The following UGGT2 variants were observed in gnomAD, a reference collection of about 807,000 sequenced individuals.
UGGT2 encodes the protein UDP-glucose:glycoprotein glucosyltransferase 2.
Under a neutral mutation model 192.1 loss-of-function variants are expected in UGGT2, and 180 were observed. The ratio of observed to expected loss-of-function variants is 0.94; its 90% CI spans 0.83 to 1.06. The LOEUF (loss-of-function observed/expected upper bound fraction) is 1.06, where lower values mean the gene tolerates loss of function less well. Among genes scored for constraint, UGGT2 ranks in the 50% least tolerant of loss-of-function variants. The pLI is 0.00. For missense variants in UGGT2, 1,849 were observed against 1,795.7 expected (o/e 1.03, Z -0.54); for synonymous variants, 580 against 591.0 (o/e 0.98, Z 0.27).
At chr13:96,037,126 G>T (rs763593362) in intron 1 of UGGT2, among the ~76,000 whole-genome samples, 2 of 152,146 alleles carry the variant, frequency 1.3e-5, no homozygotes, top group Non-Finnish European at 2.9e-5. Flanking sequence ...TTTTCAGTCA[G>T]ATCAACACAA....
intron 38 of UGGT2, among the ~76,000 whole-genome samples, chr13:95,832,041 G>T: frequency 6.7e-6 from 1 of 149,622 alleles, no homozygotes; most frequent in South Asian, 2.1e-4. Flanking sequence ...TTTTTTAAAG[G>T]AAAACTTTTT....
At chr13:95,976,528 T>C (rs1202132629) in intron 10 of UGGT2, among the ~76,000 whole-genome samples, 1 of 152,206 alleles carries the variant, frequency 6.6e-6, no homozygotes, top group Non-Finnish European at 1.5e-5. Context: ...TTTACTAATG[T>C]ACATTCCCAC....
At chr13:95,899,695 A>C (rs1393217762) in intron 22 of UGGT2, among the ~76,000 whole-genome samples, 2 of 152,122 alleles carry the variant, frequency 1.3e-5, no homozygotes, top group African/African-American at 2.4e-5. Context: ...GGTCAAAGAC[A>C]GCCAAAAGCT....
chr13:95,859,028 G>C (rs1042577691), intron 33 of UGGT2, among the ~76,000 whole-genome samples: 1 of 152,114 alleles, frequency 6.6e-6, no homozygotes, highest in Non-Finnish European at 1.5e-5. Flanking sequence ...TTATGCTGTA[G>C]GGAGAATAGG....
chr13:95,883,167 C>T (rs2047541730), intron 27 of UGGT2, among the ~76,000 whole-genome samples: 2 of 152,058 alleles, frequency 1.3e-5, no homozygotes, highest in South Asian at 2.1e-4. Context: ...ACAGAATCCA[C>T]ATACGAGCCG....
intron 17 of UGGT2, among the ~76,000 whole-genome samples, chr13:95,934,686 G>GT: frequency 6.6e-6 from 1 of 152,232 alleles, no homozygotes; most frequent in African/African-American, 2.4e-5. Context: ...TAAGTTTTAA[G>GT]TTTTTTGTGG....
chr13:95,988,552 G>C (rs947149212), intron 8 of UGGT2, among the ~76,000 whole-genome samples: 1 of 152,218 alleles, frequency 6.6e-6, no homozygotes, highest in East Asian at 1.9e-4. Flanking sequence ...GATTCTATCA[G>C]TTCAAAGAGG....
In UGGT2 at chr13:95,895,196, C is replaced by T. The variant is rs751891300; in HGVS notation, c.2743G>A (p.Gly915Arg). The T allele has an allele frequency of 3.2e-6, 5 of 1,584,124 alleles. No homozygotes were observed. The highest frequency in any genetic ancestry group is 2.3e-5 in the East Asian group (1 of 43,508). Residue 915 changes from glycine to arginine, a missense_variant, in exon 23 of 39, where the codon GGA (glycine) becomes AGA (arginine). Physicochemically the swap from Gly to Arg is moderately radical, Grantham distance 125 (BLOSUM62 -2). Transcript: ENST00000376747. Reference protein sequence around the residue: ...EKIKGIVENMGINANNMSDFI... With the variant: ...EKIKGIVENMRINANNMSDFI... ...TATACTCACTTATTTGCGTTGATTC[C>T]CATATTTTCAACAATGCCTTTAATT... is the stretch of plus-strand genomic sequence containing the variant.
chr13:95,844,786 T>C (rs1331707366), intron 36 of UGGT2, among the ~76,000 whole-genome samples: 2 of 152,200 alleles, frequency 1.3e-5, no homozygotes, highest in African/African-American at 4.8e-5. Context: ...TTTTATTTTT[T>C]TTCTTGCCTT....
intron 20 of UGGT2, among the ~76,000 whole-genome samples, chr13:95,910,251 G>A (rs2048444977): frequency 6.6e-6 from 1 of 152,070 alleles, no homozygotes; most frequent in Admixed American, 6.6e-5. Flanking sequence ...ATATTAACCT[G>A]AAATTTAAAT....
chr13:95,818,287 G>A (rs1885123481), intron 38 of UGGT2, among the ~76,000 whole-genome samples: 1 of 152,184 alleles, frequency 6.6e-6, no homozygotes, highest in South Asian at 2.1e-4. Flanking sequence ...ATGCAAGCCT[G>A]GGAGGCAGTG....
intron 1 of UGGT2, among the ~76,000 whole-genome samples, chr13:96,041,763 C>T (rs2053171217): frequency 6.6e-6 from 1 of 151,992 alleles, no homozygotes. Context: ...CCCCCACTTC[C>T]CTGACAACCT....
At chr13:96,018,691 T>C (rs767982909) in intron 4 of UGGT2, among the ~76,000 whole-genome samples, 6 of 150,380 alleles carry the variant, frequency 4.0e-5, no homozygotes, top group Admixed American at 2.0e-4. Flanking sequence ...AATGAGAATA[T>C]CACATAGTAA....
chr13:95,861,010 A>T, intron 31 of UGGT2, 127 bp from the exon 32 acceptor site: 1 of 431,440 alleles, frequency 2.3e-6, no homozygotes, highest in East Asian at 3.7e-5. Context: ...ACACTCTATA[A>T]TATTTACAAA....
rs72636593 is a variant in UGGT2 at position 96,000,649 on chromosome 13, C to T, written c.661-1342G>A. The stretch of plus-strand genomic sequence containing the variant: ...GCTAAGTGAATCGAAACTATAAGGC[C>T]GTATATCTTGTTATAGTTCATAAAA... On this transcript the variant is annotated intron_variant, in intron 5 of 38. Transcript: ENST00000376747. Among the ~76,000 whole-genome samples, 803 of 152,164 alleles carry T rather than the reference C, an allele frequency of 5.3e-3. 2 individuals carry two copies. The highest frequency in any genetic ancestry group is 8.4e-3 in the Non-Finnish European group (572 of 68,010).
chr13:95,841,711 T>A (rs1003031986), intron 36 of UGGT2, among the ~76,000 whole-genome samples: 4 of 152,230 alleles, frequency 2.6e-5, no homozygotes, highest in African/African-American at 7.2e-5. Flanking sequence ...CTAATTTATC[T>A]TTTTCTTTTA....
chr13:95,828,118 C>T (rs1270734964), intron 38 of UGGT2, among the ~76,000 whole-genome samples: 2 of 152,050 alleles, frequency 1.3e-5, no homozygotes, highest in Admixed American at 1.3e-4. Flanking sequence ...GATTAAACCT[C>T]TCTCTCTGCT....
At chr13:96,007,095 C>T (rs997353408) in intron 5 of UGGT2, among the ~76,000 whole-genome samples, 2 of 152,108 alleles carry the variant, frequency 1.3e-5, no homozygotes, top group African/African-American at 4.8e-5. Context: ...GATCATGCAC[C>T]ATGATCAAGT....
At chr13:95,930,255 G>A (rs2049202199) in intron 17 of UGGT2, among the ~76,000 whole-genome samples, 1 of 151,916 alleles carries the variant, frequency 6.6e-6, no homozygotes, top group Admixed American at 6.6e-5. Flanking sequence ...TTCTTTTGTT[G>A]TACTCTTTAA....
Sources: gnomAD v4.1 joint callset for allele counts (sites outside exome capture counted in the v4.1 genomes callset) on GRCh38, gnomAD v4.1.1 for gene constraint, MANE v1.5 for transcripts, NCBI Gene and HGNC (gene_info 2026-07-23, HGNC 2026-07-21) for gene names.